Variants in ADGRD1 observed in about 807,000 individuals in gnomAD.
The protein encoded by ADGRD1 is adhesion G protein-coupled receptor D1.
In ADGRD1, 77 loss-of-function variants were observed where a neutral mutation model predicts 113.4. The observed-to-expected ratio is 0.68, with a 90% CI of 0.57 to 0.82. ADGRD1 has a LOEUF of 0.82. ADGRD1 is among the 40% of genes least tolerant of loss of function. The pLI is 0.00. For missense variants in ADGRD1, 1,036 were observed against 1,139.1 expected (o/e 0.91, Z 1.30); for synonymous variants, 474 against 475.0 (o/e 1.00, Z 0.03).
rs113627805 is a variant in ADGRD1 at position 131,138,691 on chromosome 12, C to T, written c.2529+462C>T. Among the ~76,000 whole-genome samples, 181 of 152,198 alleles carry T rather than the reference C, an allele frequency of 1.2e-3. 1 individual carries two copies. Among genetic ancestry groups the T allele is most frequent in the African/African-American group, 4.0e-3 (167 of 41,532 alleles). ...CAATGAAGGCGCTCCCACCCATTCT[C>T]GCACTCCGCCCCCGCCCGCAGCTGT... On this transcript the variant is annotated intron_variant, in intron 24 of 24. Transcript: ENST00000261654.
intron 21 of ADGRD1, among the ~76,000 whole-genome samples, chr12:131,134,793 A>G (rs1042417365): frequency 1.3e-5 from 2 of 152,164 alleles, no homozygotes; most frequent in Admixed American, 6.5e-5. Context: ...CCACTTGTTC[A>G]TCATTCATTC....
At chr12:131,127,228 A>G (rs533394044) in intron 20 of ADGRD1, among the ~76,000 whole-genome samples, 1 of 152,382 alleles carries the variant, frequency 6.6e-6, no homozygotes, top group African/African-American at 2.4e-5. Context: ...AGTGCATCTT[A>G]ACGCAAAGCG....
Position 131,051,486 on chromosome 12 carries a change from C to CTTTT in ADGRD1, c.1474-25304_1474-25301dup, listed in dbSNP as rs1555254485. ...TCTGTTTTCTTTCTTTCTTTCTTTT[C>CTTTT]TTTTTTTTTTTTTTGGAGCCAAAGT... On this transcript the variant is annotated intron_variant, in intron 13 of 24. Transcript: ENST00000261654. Among the ~76,000 whole-genome samples the CTTTT allele has an allele frequency of 5.0e-3, 736 of 147,134 alleles. 7 individuals carry two copies. Among genetic ancestry groups the CTTTT allele is most frequent in the African/African-American group, 0.018 (709 of 39,962 alleles).
chr12:131,123,038 A>AGTTTTTTTT (rs1950637792), intron 20 of ADGRD1, among the ~76,000 whole-genome samples: 3 of 35,376 alleles, frequency 8.5e-5, no homozygotes, highest in Admixed American at 3.4e-4. Flanking sequence ...TTACCTGGGG[A>AGTTTTTTTT]GTTTTTTTTT....
At chr12:131,023,301 TC>T (rs1254791549) in intron 13 of ADGRD1, 1 of 152,180 alleles carries the variant, frequency 6.6e-6, no homozygotes, top group Non-Finnish European at 1.5e-5. Context: ...CTCTTCTGGG[TC>T]CCCCACAGGT....
chr12:131,017,988 T>C (rs1028410663), intron 13 of ADGRD1, among the ~76,000 whole-genome samples: 4 of 152,042 alleles, frequency 2.6e-5, no homozygotes, highest in Non-Finnish European at 5.9e-5. Context: ...TAGGCACATA[T>C]GTGCACATAC....
At chr12:130,958,728 C>G (rs768056020) in intron 2 of ADGRD1, among the ~76,000 whole-genome samples, 4 of 152,220 alleles carry the variant, frequency 2.6e-5, no homozygotes, top group South Asian at 2.1e-4. Flanking sequence ...GCGTCACAAA[C>G]ACACCAACAG....
chr12:130,994,062 G>A (rs1301526638), intron 8 of ADGRD1: 1 of 243,128 alleles, frequency 4.1e-6, no homozygotes, highest in Non-Finnish European at 8.8e-6. Context: ...CTAACCAAGG[G>A]GAGTGGGATT....
At chr12:131,052,416 CTCT>C (rs1883488551) in intron 13 of ADGRD1, among the ~76,000 whole-genome samples, 1 of 152,210 alleles carries the variant, frequency 6.6e-6, no homozygotes. Context: ...CCAAAGCGAG[CTCT>C]TCTTCTATAG....
At chr12:130,967,955 T>C (rs1871198105) in intron 3 of ADGRD1, 1 of 152,258 alleles carries the variant, frequency 6.6e-6, no homozygotes. Flanking sequence ...CCACGTTCCC[T>C]TGTTGGCATC....
chr12:131,097,516 G>T (rs892120139), intron 15 of ADGRD1, among the ~76,000 whole-genome samples: 1 of 152,234 alleles, frequency 6.6e-6, no homozygotes, highest in Non-Finnish European at 1.5e-5. Context: ...GACCCAGCCC[G>T]GGGGAGGCTG....
chr12:130,998,023 G>T (rs1162054068), intron 8 of ADGRD1, among the ~76,000 whole-genome samples: 1 of 152,092 alleles, frequency 6.6e-6, no homozygotes, highest in African/African-American at 2.4e-5. Flanking sequence ...CCAACACAGC[G>T]AAACCCCGTC....
At chr12:131,138,387 G>C (rs1951156622) in intron 24 of ADGRD1, among the ~76,000 whole-genome samples, 158 bp downstream of exon 24, 1 of 152,184 alleles carries the variant, frequency 6.6e-6, no homozygotes, top group Admixed American at 6.5e-5. Flanking sequence ...CTCTGGGCTT[G>C]TGTCCCCCAC....
intron 13 of ADGRD1, among the ~76,000 whole-genome samples, chr12:131,031,063 G>A (rs1344998370): frequency 1.3e-5 from 2 of 152,310 alleles, no homozygotes; most frequent in Non-Finnish European, 2.9e-5. Context: ...CGGAACGCAG[G>A]AAGGGCAACA....
chr12:131,009,500 TTC>T (rs1413683265), intron 12 of ADGRD1, among the ~76,000 whole-genome samples: 1 of 152,240 alleles, frequency 6.6e-6, no homozygotes, highest in Non-Finnish European at 1.5e-5. Context: ...CTCGTTAAAT[TTC>T]TGAGTGTGAT....
chr12:130,966,738 G>A lies in ADGRD1; in HGVS notation c.187+192G>A, dbSNP rs545362277. On this transcript the variant is annotated intron_variant, in intron 3 of 24. Transcript: ENST00000261654. The surrounding 1 kb of genome is among the most constrained non-coding windows in gnomAD (Gnocchi z 4.6). ...TGGACACAATCTGCTTTGAAGCCAC[G>A]GTGATAGAGATGAACAAATACTTGT... The A allele has an allele frequency of 2.2e-5, 13 of 588,174 alleles. No individual in the cohort carries two copies. Among genetic ancestry groups the A allele is most frequent in the African/African-American group, 1.5e-4 (8 of 53,558 alleles). The allele number at this position is 588,174 out of a possible 1,614,324, so 36.4% of individuals were successfully genotyped here. A position where few individuals can be genotyped will look rare whatever the true frequency, so the allele number is the denominator to read the frequency against.
rs1049158057 is a variant in ADGRD1 at position 130,984,720 on chromosome 12, C to T, written c.491-2375C>T. ...GGGTTGGTGAGGTTGATCTTTCGCCCATTTTAAAAATTGGATTGTTTTTCT... is the reference window on the plus strand; with the variant it reads ...GGGTTGGTGAGGTTGATCTTTCGCCTATTTTAAAAATTGGATTGTTTTTCT... On this transcript the variant is annotated intron_variant, in intron 5 of 24. Transcript: ENST00000261654. The surrounding 1 kb of genome is among the most constrained non-coding windows in gnomAD (Gnocchi z 4.1). Among the ~76,000 whole-genome samples the T allele has an allele frequency of 6.6e-6, 1 of 152,050 alleles. No individual in the cohort carries two copies. The highest frequency in any genetic ancestry group is 1.5e-5 in the Non-Finnish European group (1 of 68,006).
rs1334195321 is a variant in ADGRD1, at chr12:130,966,021, T to C, written c.104-442T>C. ...TTGTTAAGGACCTCAGTGTCTGGCATACCATTCATGTTAGTTTTCTCCTCT... is the reference window on the plus strand; with the variant it reads ...TTGTTAAGGACCTCAGTGTCTGGCACACCATTCATGTTAGTTTTCTCCTCT... On this transcript the variant is annotated intron_variant, in intron 2 of 24. Coordinates refer to ENST00000261654, the MANE Select transcript of ADGRD1 (RefSeq NM_198827.5). This position sits in a 1 kb window ranked among gnomAD's most constrained non-coding sequence, Gnocchi z 4.6. Among the ~76,000 whole-genome samples, 2 of 152,240 alleles carry C rather than the reference T, an allele frequency of 1.3e-5. No individual in the cohort carries two copies. The highest frequency in any genetic ancestry group is 2.9e-5 in the Non-Finnish European group (2 of 68,036).
chr12:131,110,477 G>A (rs1950325559), intron 18 of ADGRD1, among the ~76,000 whole-genome samples: 1 of 151,598 alleles, frequency 6.6e-6, no homozygotes, highest in Non-Finnish European at 1.5e-5. Flanking sequence ...TTTTATATAG[G>A]CATATTCTCT....
Sources: allele counts gnomAD v4.1 joint callset (sites outside exome capture counted in the v4.1 genomes callset), GRCh38; gene constraint gnomAD v4.1.1; non-coding constraint Gnocchi (gnomAD v3.1); transcripts MANE v1.5; gene names NCBI Gene and HGNC (gene_info 2026-07-23, HGNC 2026-07-21).